Variants in MFHAS1 observed in about 807,000 individuals in gnomAD.
MFHAS1 encodes multifunctional ROCO family signaling regulator 1, also known as malignant fibrous histiocytoma-amplified sequence 1.
A neutral mutation model predicts 70.4 loss-of-function variants in MFHAS1; 50 were observed. That is an observed-to-expected ratio of 0.71 (90% CI 0.57 to 0.90). The LOEUF (loss-of-function observed/expected upper bound fraction) is 0.90, where lower values mean the gene tolerates loss of function less well. Ranked by LOEUF, MFHAS1 falls within the 40% of genes least tolerant of loss-of-function variation. MFHAS1 has a pLI of 0.00. For missense variants in MFHAS1, 1,795 were observed against 1,347.6 expected (o/e 1.33, Z -5.20); for synonymous variants, 952 against 620.0 (o/e 1.54, Z -7.96).
intron 1 of MFHAS1, among the ~76,000 whole-genome samples, chr8:8,814,898 G>A (rs944238956): frequency 8.1e-5 from 12 of 148,760 alleles, no homozygotes; most frequent in Non-Finnish European, 7.4e-5. Flanking sequence ...ACATGTACAG[G>A]ATGTGCAGGT....
chr8:8,786,273 G>C (rs1805539293), intron 2 of MFHAS1, among the ~76,000 whole-genome samples: 1 of 152,164 alleles, frequency 6.6e-6, no homozygotes, highest in South Asian at 2.1e-4. Flanking sequence ...ATTTCTGTTG[G>C]TGTGTTAAGC....
chr8:8,875,663 T>C (rs1236408042), intron 1 of MFHAS1, among the ~76,000 whole-genome samples: 1 of 152,152 alleles, frequency 6.6e-6, no homozygotes, highest in Non-Finnish European at 1.5e-5. Context: ...CGATCTCAGC[T>C]CACCGTAACC....
chr8:8,879,823 T>C (rs1276976697), intron 1 of MFHAS1, among the ~76,000 whole-genome samples: 2 of 152,218 alleles, frequency 1.3e-5, no homozygotes, highest in East Asian at 1.9e-4. Flanking sequence ...ATAGAGCAGG[T>C]ATTCAACAGT....
chr8:8,842,639 C>T (rs1283543522), intron 1 of MFHAS1, among the ~76,000 whole-genome samples: 1 of 152,164 alleles, frequency 6.6e-6, no homozygotes, highest in East Asian at 1.9e-4. Flanking sequence ...CCGGCATCAC[C>T]CAGGAGCTGG....
intron 1 of MFHAS1, among the ~76,000 whole-genome samples, chr8:8,852,296 A>G (rs2116873839): frequency 6.6e-6 from 1 of 152,310 alleles, no homozygotes; most frequent in Admixed American, 6.5e-5. Flanking sequence ...CAACATGGTG[A>G]AACCTCATCT....
chr8:8,867,621 A>C (rs1254956512), intron 1 of MFHAS1, among the ~76,000 whole-genome samples: 1 of 151,346 alleles, frequency 6.6e-6, no homozygotes, highest in Non-Finnish European at 1.5e-5. Flanking sequence ...GCAGTGGCGC[A>C]ATCTCGGCTC....
intron 1 of MFHAS1, among the ~76,000 whole-genome samples, chr8:8,847,438 T>C (rs1808077698): frequency 6.6e-6 from 1 of 152,208 alleles, no homozygotes; most frequent in South Asian, 2.1e-4. Context: ...TGCCTTGGCC[T>C]GTCAAAGTGT....
rs1279216264 is a variant in MFHAS1, at chr8:8,892,762, G to A, written c.297C>T (p.Phe99=). The change falls in exon 1 of 3, where the codon TTC becomes TTT. Residue 99 remains phenylalanine (F), a synonymous_variant. Transcript: ENST00000276282. The surrounding 1 kb of genome is among the most constrained non-coding windows in gnomAD (Gnocchi z 4.7). ...LRVLVLRRNR[F]ARLPPAVAEL... is the part of the protein sequence containing the mutation. ...CGGCCACCGCCGGGGGCAGCCGGGC[G>A]AAGCGGTTCCTGCGCAGGACCAGGA... The A allele has an allele frequency of 6.3e-7, 1 of 1,578,420 alleles. No individual in the cohort carries two copies. The highest frequency in any genetic ancestry group is 8.6e-7 in the Non-Finnish European group (1 of 1,164,188).
chr8:8,826,753 T>A (rs1006672277), intron 1 of MFHAS1, among the ~76,000 whole-genome samples: 5 of 152,092 alleles, frequency 3.3e-5, no homozygotes, highest in Admixed American at 3.3e-4. Flanking sequence ...TGGTTGGACA[T>A]TTCTGGAAAT....
chr8:8,886,462 G>A (rs545817927), intron 1 of MFHAS1, among the ~76,000 whole-genome samples: 13 of 152,064 alleles, frequency 8.5e-5, no homozygotes, highest in East Asian at 5.8e-4. Context: ...GCCACTGCAC[G>A]CTGCCCATTA....
chr8:8,878,601 C>A (rs904911491), intron 1 of MFHAS1, among the ~76,000 whole-genome samples: 7 of 150,180 alleles, frequency 4.7e-5, no homozygotes, highest in African/African-American at 1.5e-4. Flanking sequence ...GGCACCCAGG[C>A]GAAATATTTT....
In MFHAS1 at chr8:8,890,143, T is replaced by C. The variant is rs375594297; in HGVS notation, c.2916A>G (p.Glu972=). Residue 972 remains glutamate (E), a synonymous_variant, in exon 1 of 3, where the codon GAA becomes GAG. Coordinates refer to ENST00000276282, the MANE Select transcript of MFHAS1 (RefSeq NM_004225.3). The part of the protein sequence containing the change: ...LVEELNVLLQ[E]WPGLHYTVHI... ...GCACGGTGTAGTGCAGTCCAGGCCATTCCTGAAGTAGGACATTCAGTTCCT... is the reference window on the plus strand; with the variant it reads ...GCACGGTGTAGTGCAGTCCAGGCCACTCCTGAAGTAGGACATTCAGTTCCT... 6.2e-7 allele frequency: 1 copy of C among 1,614,186 alleles called. No individual in the cohort carries two copies. The highest frequency in any genetic ancestry group is 8.5e-7 in the Non-Finnish European group (1 of 1,180,040).
At chr8:8,816,919 G>A (rs1268609105) in intron 1 of MFHAS1, among the ~76,000 whole-genome samples, 3 of 152,152 alleles carry the variant, frequency 2.0e-5, no homozygotes, top group South Asian at 4.1e-4. Flanking sequence ...TATAAGCGTG[G>A]CTTCTTTCTC....
chr8:8,891,382 G>C lies in MFHAS1; in HGVS notation c.1677C>G (p.Ala559=). The C allele has an allele frequency of 6.2e-7, 1 of 1,611,732 alleles. No individual in the cohort carries two copies. Among genetic ancestry groups the C allele is most frequent in the Non-Finnish European group, 8.5e-7 (1 of 1,180,008 alleles). ...EKCLDIHRQI[A]LQEKHDAEGL... ...CCTCCGCGTCGTGCTTCTCCTGCAG[G>C]GCGATCTGGCGGTGAATGTCCAGAC... Residue 559 remains alanine, a synonymous_variant, in exon 1 of 3, where the codon GCC becomes GCG. Coordinates refer to ENST00000276282, the MANE Select transcript of MFHAS1 (RefSeq NM_004225.3). This position sits in a 1 kb window ranked among gnomAD's most constrained non-coding sequence, Gnocchi z 5.4.
chr8:8,892,009 C>A lies in MFHAS1; in HGVS notation c.1050G>T (p.Gln350His). The stretch of plus-strand genomic sequence containing the variant: ...CGGGCAGCACCGCGATCTGGTTCCC[C>A]TGCAGCACGAGCTCCTCCAGGCCGG... Reference protein sequence around the residue: ...ELTGLEELVLQGNQIAVLPDH... With the variant: ...ELTGLEELVLHGNQIAVLPDH... Residue 350 changes from glutamine to histidine, a missense_variant, in exon 1 of 3, where the codon CAG becomes CAT. Gln to His is a conservative substitution (Grantham distance 24). Coordinates refer to ENST00000276282, the MANE Select transcript of MFHAS1 (RefSeq NM_004225.3). The surrounding 1 kb of genome is among the most constrained non-coding windows in gnomAD (Gnocchi z 4.7). 1 of 1,613,624 alleles carries A rather than the reference C, an allele frequency of 6.2e-7. No homozygotes were observed. The highest frequency in any genetic ancestry group is 8.5e-7 in the Non-Finnish European group (1 of 1,180,012).
intron 1 of MFHAS1, among the ~76,000 whole-genome samples, chr8:8,803,193 C>T (rs755207882): frequency 1.3e-4 from 20 of 152,102 alleles, no homozygotes; most frequent in Non-Finnish European, 2.5e-4. Context: ...ATTCAACCAA[C>T]TGCAGGTCGA....
At chr8:8,797,855 C>T (rs999930442) in intron 1 of MFHAS1, among the ~76,000 whole-genome samples, 9 of 152,200 alleles carry the variant, frequency 5.9e-5, no homozygotes, top group Non-Finnish European at 1.2e-4. Context: ...GAAGCAAGGG[C>T]TGCCAAGGAG....
In MFHAS1 at chr8:8,841,477, A is replaced by T. The variant is rs372685697; in HGVS notation, c.2999-43986T>A. On this transcript the variant is annotated intron_variant, in intron 1 of 2. Transcript: ENST00000276282. Reference sequence around the variant, plus strand: ...ATCAAGACTTCGTCTCAAAAAAAAAAAAAGACTTCTTTTTGTTGTTTGCTG... The same window carrying T: ...ATCAAGACTTCGTCTCAAAAAAAAATAAAGACTTCTTTTTGTTGTTTGCTG... Among the ~76,000 whole-genome samples the T allele has an allele frequency of 3.2e-3, 491 of 152,160 alleles. 5 individuals are homozygous for T. The highest frequency in any genetic ancestry group is 0.011 in the African/African-American group (469 of 41,520).
At chr8:8,787,357 G>A (rs563256813) in intron 2 of MFHAS1, among the ~76,000 whole-genome samples, 2 of 152,278 alleles carry the variant, frequency 1.3e-5, no homozygotes, top group Non-Finnish European at 2.9e-5. Flanking sequence ...TGGGATTACA[G>A]GTGTGAGCCA....
Sources: gnomAD v4.1 joint callset for allele counts (sites outside exome capture counted in the v4.1 genomes callset) on GRCh38, gnomAD v4.1.1 for gene constraint, Gnocchi (gnomAD v3.1) non-coding constraint, MANE v1.5 for transcripts, NCBI Gene and HGNC (gene_info 2026-07-23, HGNC 2026-07-21) for gene names.